Variants in PACRG observed in about 807,000 individuals in gnomAD.
PACRG encodes parkin coregulated gene protein.
In PACRG, 29 loss-of-function variants were observed where a neutral mutation model predicts 29.7. That is an observed-to-expected ratio of 0.98 (90% CI 0.73 to 1.33). PACRG has a LOEUF of 1.33. Among genes scored for constraint, PACRG ranks in the 40% most tolerant of loss-of-function variants. The pLI is 0.00. For missense variants in PACRG, 279 were observed against 316.2 expected (o/e 0.88, Z 0.89); for synonymous variants, 116 against 118.7 (o/e 0.98, Z 0.15).
intron 4 of PACRG, among the ~76,000 whole-genome samples, chr6:163,238,727 G>A (rs1449550766): frequency 2.0e-5 from 3 of 152,178 alleles, no homozygotes; most frequent in Non-Finnish European, 4.4e-5. Flanking sequence ...ACTCTTCTTT[G>A]AGTTCTATTA....
chr6:163,168,590 A>G (rs1778929236), intron 4 of PACRG, among the ~76,000 whole-genome samples: 1 of 152,250 alleles, frequency 6.6e-6, no homozygotes. Context: ...AATGACTTTC[A>G]CCATAATTAG....
intron 2 of PACRG, among the ~76,000 whole-genome samples, chr6:162,885,282 T>C (rs987135113): frequency 6.6e-5 from 10 of 151,700 alleles, no homozygotes; most frequent in Admixed American, 2.0e-4. Context: ...TTTTTAATTA[T>C]TTTTTGAGAT....
At chr6:163,102,130 G>A (rs946918493) in intron 4 of PACRG, among the ~76,000 whole-genome samples, 19 of 152,110 alleles carry the variant, frequency 1.2e-4, no homozygotes, top group African/African-American at 2.2e-4. Context: ...TTTCACTACC[G>A]TCGGGAAACA....
chr6:162,731,229 A>T lies in PACRG; in HGVS notation c.156+2838A>T, dbSNP rs551956214. On this transcript the variant is annotated intron_variant, in intron 1 of 4. Coordinates refer to ENST00000366888, the MANE Select transcript of PACRG (RefSeq NM_001080379.2). ...AGTGTTGACATTACACTCAAAGAAA[A>T]CTCTTTTGAGCATTTTGGATTTCAG... 1.2e-4 allele frequency among the ~76,000 whole-genome samples: 19 copies of T among 152,136 alleles called. No homozygotes were observed. In the South Asian group the frequency reaches 4.0e-3, roughly 32 times the overall value.
chr6:163,241,582 G>A lies in PACRG; in HGVS notation c.614-73245G>A, dbSNP rs551255465. 2.0e-4 allele frequency among the ~76,000 whole-genome samples: 31 copies of A among 152,298 alleles called. No homozygotes were observed. In the South Asian group the frequency reaches 6.0e-3, roughly 29 times the overall value. ...GACCTGGAGGGCTGAGCTGGCAGCT[G>A]AAAAGGCAGGGTACCAGGAGCCACC... On this transcript the variant is annotated intron_variant, in intron 4 of 4. Transcript: ENST00000366888.
chr6:163,130,688 C>T (rs1451320775), intron 4 of PACRG, among the ~76,000 whole-genome samples: 2 of 152,184 alleles, frequency 1.3e-5, no homozygotes, highest in South Asian at 4.1e-4. Flanking sequence ...GGCCTCTCCC[C>T]CATACCTAAT....
At chr6:162,789,074 T>G (rs1279360364) in intron 1 of PACRG, among the ~76,000 whole-genome samples, 1 of 152,194 alleles carries the variant, frequency 6.6e-6, no homozygotes. Context: ...ATTTTTAAAA[T>G]CTTGTAATAA....
intron 4 of PACRG, among the ~76,000 whole-genome samples, chr6:163,107,595 G>A (rs75563639): frequency 0.014 from 2,159 of 152,218 alleles, 57 homozygotes; most frequent in East Asian, 0.055. Flanking sequence ...TTCCTGTAAC[G>A]TTCCCACTGG....
rs73593752 is a variant in PACRG at position 163,103,296 on chromosome 6, G to A, written c.613+13888G>A. Among the ~76,000 whole-genome samples the A allele has an allele frequency of 7.4e-3, 1,124 of 152,234 alleles. 15 individuals are homozygous for A. Among genetic ancestry groups the A allele is most frequent in the African/African-American group, 0.026 (1,089 of 41,538 alleles). On this transcript the variant is annotated intron_variant, in intron 4 of 4. Transcript: ENST00000366888. ...GAGGTCTCCATTTCCTGGCTGGTTG[G>A]CAGCAGTGGGGAGCTCTCAACTGCT...
intron 2 of PACRG, among the ~76,000 whole-genome samples, chr6:162,972,102 C>T (rs538028828): frequency 8.5e-5 from 13 of 152,346 alleles, no homozygotes; most frequent in Non-Finnish European, 1.5e-4. Flanking sequence ...ACCCAGCATG[C>T]AGCCCTACCT....
chr6:163,176,429 G>A (rs908789779), intron 4 of PACRG, among the ~76,000 whole-genome samples: 5 of 152,176 alleles, frequency 3.3e-5, no homozygotes, highest in East Asian at 1.9e-4. Context: ...CACCACACAG[G>A]CAGTAAACTA....
chr6:162,864,412 C>T (rs1792124905), intron 2 of PACRG, among the ~76,000 whole-genome samples: 1 of 152,014 alleles, frequency 6.6e-6, no homozygotes, highest in African/African-American at 2.4e-5. Context: ...ATGTGCCAGG[C>T]CTTATTCTAG....
intron 2 of PACRG, among the ~76,000 whole-genome samples, chr6:162,852,427 C>T (rs1024490273): frequency 5.3e-5 from 8 of 152,210 alleles, no homozygotes; most frequent in South Asian, 2.1e-4. Context: ...GGCTAAGACG[C>T]GCTTCTGTGG....
chr6:163,305,524 A>G (rs1020359564), intron 4 of PACRG, among the ~76,000 whole-genome samples: 2 of 152,200 alleles, frequency 1.3e-5, no homozygotes, highest in Non-Finnish European at 2.9e-5. Context: ...TTCCTCATCT[A>G]GAAGACTATG....
intron 2 of PACRG, among the ~76,000 whole-genome samples, chr6:163,058,607 G>A (rs544002210): frequency 2.2e-4 from 34 of 151,870 alleles, no homozygotes; most frequent in Admixed American, 3.3e-4. Context: ...AAAAAAATAC[G>A]AAATTAAGGC....
At chr6:163,122,552 C>T (rs1344896475) in intron 4 of PACRG, among the ~76,000 whole-genome samples, 2 of 152,188 alleles carry the variant, frequency 1.3e-5, no homozygotes, top group Admixed American at 1.3e-4. Flanking sequence ...CTCCCCCTCG[C>T]TCTCTCGCTT....
At chr6:163,161,425 A>C (rs963045165) in intron 4 of PACRG, among the ~76,000 whole-genome samples, 1 of 152,186 alleles carries the variant, frequency 6.6e-6, no homozygotes, top group Non-Finnish European at 1.5e-5. Context: ...ATGCCATATT[A>C]GGGCATTTTG....
chr6:162,822,005 T>G (rs952305131), intron 2 of PACRG, among the ~76,000 whole-genome samples: 1 of 152,194 alleles, frequency 6.6e-6, no homozygotes. Flanking sequence ...ATTGAAGTTT[T>G]TGTTGTCTTT....
chr6:163,181,350 C>T (rs1779651034), intron 4 of PACRG, among the ~76,000 whole-genome samples: 1 of 152,168 alleles, frequency 6.6e-6, no homozygotes, highest in Admixed American at 6.5e-5. Flanking sequence ...CTCTGTGATA[C>T]AGACGGCCGC....
Sources: allele counts gnomAD v4.1 joint callset (sites outside exome capture counted in the v4.1 genomes callset), GRCh38; gene constraint gnomAD v4.1.1; transcripts MANE v1.5; gene names NCBI Gene and HGNC (gene_info 2026-07-23, HGNC 2026-07-21).